PRDM5: variants seen among roughly 807,000 people sequenced by gnomAD.
The protein encoded by PRDM5 is PR domain zinc finger protein 5.
Under a neutral mutation model 81.2 loss-of-function variants are expected in PRDM5, and 56 were observed. The observed-to-expected ratio is 0.69, with a 90% confidence interval of 0.56 to 0.86. The LOEUF is 0.86. PRDM5 is among the 40% of genes least tolerant of loss of function. The probability of loss-of-function intolerance (pLI) is 0.00; values close to 1 mark genes in which losing one functional copy is unlikely to be tolerated. For synonymous variants in PRDM5, 267 were observed against 256.4 expected, an observed-to-expected ratio of 1.04 and a Z score of -0.39; for missense variants, 697 against 770.1, an observed-to-expected ratio of 0.91 and a Z score of 1.12.
At position 120,856,452 on chromosome 4, in the gene PRDM5, G is replaced by A. The variant is rs927222257; in HGVS notation, c.178-2912C>T. 2.6e-5 allele frequency among the ~76,000 whole-genome samples: 4 copies of A among 152,142 alleles called. No homozygotes were observed. In the South Asian group the frequency reaches 6.2e-4, roughly 24 times the overall value. ...TTCTTAGAGAGTCTTTGCTCTCTGG[G>A]GCCTGCCTGTTTTCTCCAGCTTTCA... On this transcript the variant is annotated intron_variant, in intron 2 of 15. Transcript: ENST00000264808.
intron 8 of PRDM5, among the ~76,000 whole-genome samples, chr4:120,804,810 C>T (rs1004831272): frequency 2.0e-5 from 3 of 152,102 alleles, no homozygotes; most frequent in Non-Finnish European, 4.4e-5. Context: ...CAAGAACAAA[C>T]ACATCCAAAA....
chr4:120,808,258 G>T (rs916198405), intron 8 of PRDM5, among the ~76,000 whole-genome samples: 7 of 152,058 alleles, frequency 4.6e-5, no homozygotes, highest in Admixed American at 1.3e-4. Context: ...TTTTGACAGG[G>T]TGCTGATTGG....
At chr4:120,742,657 T>A (rs1742238343) in intron 14 of PRDM5, among the ~76,000 whole-genome samples, 2 of 152,036 alleles carry the variant, frequency 1.3e-5, no homozygotes, top group Non-Finnish European at 2.9e-5. Context: ...GCCGAAGCGA[T>A]CAACTGGAAG....
In PRDM5 at chr4:120,695,068, A is replaced by G; in HGVS notation, c.*43T>C. The G allele has an allele frequency of 3.8e-6, 6 of 1,589,132 alleles. No homozygotes were observed. The highest frequency in any genetic ancestry group is 5.2e-6 in the Non-Finnish European group (6 of 1,157,892). On this transcript the variant is annotated 3_prime_UTR_variant, in exon 16 of 16. Coordinates refer to ENST00000264808, the MANE Select transcript of PRDM5 (RefSeq NM_018699.4). ...CAGGTGATAAAAATCTGGGATTCATATTAGGAGCCCTTCTGAATAGTTTAA... is the reference window on the plus strand; with the variant it reads ...CAGGTGATAAAAATCTGGGATTCATGTTAGGAGCCCTTCTGAATAGTTTAA...
chr4:120,803,563 A>T (rs1752444171), intron 8 of PRDM5, among the ~76,000 whole-genome samples: 1 of 152,204 alleles, frequency 6.6e-6, no homozygotes, highest in South Asian at 2.1e-4. Flanking sequence ...AACATTTTAA[A>T]GAAAAGAATT....
At chr4:120,879,786 G>A (rs1762661157) in intron 2 of PRDM5, among the ~76,000 whole-genome samples, 1 of 151,920 alleles carries the variant, frequency 6.6e-6, no homozygotes, top group Non-Finnish European at 1.5e-5. Flanking sequence ...GTTGTTCAAG[G>A]ATCAATTGAT....
At position 120,900,809 on chromosome 4, in the gene PRDM5, G is replaced by A. The variant is rs541110873; in HGVS notation, c.177+6665C>T. Among the ~76,000 whole-genome samples the A allele has an allele frequency of 5.3e-5, 8 of 152,108 alleles. No individual in the cohort carries two copies. The South Asian group carries it at 1.7e-3, about 32-fold the overall frequency. ...TAATTGCTATATTTTGTGGAGTTTT[G>A]GGGGGTATTTATTGCTTAAAAAAAA... On this transcript the variant is annotated intron_variant, in intron 2 of 15. Coordinates refer to ENST00000264808, the MANE Select transcript of PRDM5 (RefSeq NM_018699.4).
At chr4:120,867,475 A>T (rs1240059848) in intron 2 of PRDM5, among the ~76,000 whole-genome samples, 1 of 152,210 alleles carries the variant, frequency 6.6e-6, no homozygotes, top group Non-Finnish European at 1.5e-5. Context: ...GTCTGAGTAC[A>T]CTTTCACCAG....
At chr4:120,897,075 C>A (rs1271052726) in intron 2 of PRDM5, 1 of 151,588 alleles carries the variant, frequency 6.6e-6, no homozygotes, top group East Asian at 1.9e-4. Context: ...GTCTTAGTAC[C>A]CTCATTTGAA....
intron 15 of PRDM5, among the ~76,000 whole-genome samples, chr4:120,696,380 C>A (rs77411783): frequency 0.014 from 2,138 of 152,206 alleles, 48 homozygotes; most frequent in African/African-American, 0.048. Flanking sequence ...TTTACCTACT[C>A]TCTTGTTTAG....
chr4:120,725,786 A>ACTAT (rs1330366558), intron 14 of PRDM5, among the ~76,000 whole-genome samples: 1 of 152,192 alleles, frequency 6.6e-6, no homozygotes, highest in East Asian at 1.9e-4. Flanking sequence ...CCATTTAGAT[A>ACTAT]CTATCTAGGA....
intron 2 of PRDM5, among the ~76,000 whole-genome samples, chr4:120,883,119 T>C (rs1448829091): frequency 6.6e-6 from 1 of 152,220 alleles, no homozygotes; most frequent in African/African-American, 2.4e-5. Context: ...AGTGTTATTG[T>C]AGGAAACATG....
At chr4:120,834,782 C>A (rs1045731721) in intron 3 of PRDM5, among the ~76,000 whole-genome samples, 4 of 152,154 alleles carry the variant, frequency 2.6e-5, no homozygotes, top group Non-Finnish European at 5.9e-5. Context: ...GCTGACTCTC[C>A]TCCAAGCAAG....
At chr4:120,824,625 G>C (rs1755716942) in intron 3 of PRDM5, among the ~76,000 whole-genome samples, 2 of 151,978 alleles carry the variant, frequency 1.3e-5, no homozygotes, top group African/African-American at 4.8e-5. Context: ...TGAATTTTTT[G>C]TCTTTTTTTA....
chr4:120,883,623 C>A (rs892497282), intron 2 of PRDM5, among the ~76,000 whole-genome samples: 4 of 151,292 alleles, frequency 2.6e-5, no homozygotes, highest in South Asian at 2.1e-4. Context: ...AGGAGATATA[C>A]CTAATGTAAA....
At chr4:120,777,373 G>A (rs1308412222) in intron 12 of PRDM5, 92 bp from the exon 13 acceptor site, 98 of 1,572,850 alleles carry the variant, frequency 6.2e-5, no homozygotes, top group Non-Finnish European at 8.4e-5. Context: ...TCCTTATTTT[G>A]TAGGATTACA....
intron 2 of PRDM5, chr4:120,895,357 G>C (rs956689663): frequency 3.3e-5 from 5 of 152,014 alleles, no homozygotes; most frequent in Admixed American, 6.5e-5. Context: ...ACCAGATCAG[G>C]GAGAGAGAGA....
intron 2 of PRDM5, among the ~76,000 whole-genome samples, chr4:120,856,032 T>C (rs763466556): frequency 1.2e-4 from 19 of 152,308 alleles, no homozygotes; most frequent in Non-Finnish European, 2.2e-4. Context: ...AGTAAGAATA[T>C]TTGAGTTTTT....
chr4:120,716,127 A>T (rs1032721214), intron 14 of PRDM5, among the ~76,000 whole-genome samples: 5 of 152,150 alleles, frequency 3.3e-5, no homozygotes, highest in African/African-American at 1.2e-4. Context: ...ATATACTTAC[A>T]CACACACATT....
Sources: gnomAD v4.1 joint callset for allele counts (sites outside exome capture counted in the v4.1 genomes callset) on GRCh38, gnomAD v4.1.1 for gene constraint, MANE v1.5 for transcripts, NCBI Gene and HGNC (gene_info 2026-07-23, HGNC 2026-07-21) for gene names.